TNNT1: variants seen among roughly 807,000 people sequenced by gnomAD.
TNNT1 encodes the protein troponin T1, slow skeletal type.
Under a neutral mutation model 50.6 loss-of-function variants are expected in TNNT1, and 53 were observed. The ratio of observed to expected loss-of-function variants is 1.05; its 90% CI spans 0.84 to 1.32. The LOEUF is 1.32. Among genes scored for constraint, TNNT1 ranks in the 40% most tolerant of loss-of-function variants. The pLI, the probability that TNNT1 is intolerant of heterozygous loss-of-function variation, is 0.00. For missense variants in TNNT1, 348 were observed against 381.7 expected (o/e 0.91, Z 0.74); for synonymous variants, 142 against 138.0 (o/e 1.03, Z -0.20).
chr19:55,139,313 A>T (rs1444721511), intron 9 of TNNT1, among the ~76,000 whole-genome samples: 3 of 152,146 alleles, frequency 2.0e-5, no homozygotes. Context: ...GTTTCCTATC[A>T]CTGCTGTAAT....
Position 55,141,167 on chromosome 19 carries a change from AC to A in TNNT1, c.309+18del. 6.3e-7 allele frequency: 1 copy of A among 1,598,380 alleles called. No homozygotes were observed. The highest frequency in any genetic ancestry group is 8.6e-7 in the Non-Finnish European group (1 of 1,165,590). On this transcript the variant is annotated intron_variant, in intron 8 of 13. Coordinates refer to ENST00000588981, the MANE Select transcript of TNNT1 (RefSeq NM_003283.6). The stretch of plus-strand genomic sequence containing the variant: ...CATGGAGGGAGGAAGACCGGGGGGA[AC>A]CCGGACTCTCGGCTCACAATGCGCT...
intron 6 of TNNT1, 105 bp from the exon 7 acceptor site, chr19:55,142,025 C>T: frequency 1.7e-6 from 2 of 1,168,262 alleles, no homozygotes; most frequent in Non-Finnish European, 2.6e-6. Context: ...CCCCGGGAGG[C>T]TCCTGAACGT....
chr19:55,142,010 GC>G, intron 6 of TNNT1, 90 bp from the exon 7 acceptor site: 1 of 1,337,384 alleles, frequency 7.5e-7, no homozygotes, highest in Non-Finnish European at 1.1e-6. Context: ...TGAGGTAGCC[GC>G]CAGCCCCGGG....
intron 9 of TNNT1, among the ~76,000 whole-genome samples, chr19:55,138,763 T>C (rs1050635478): frequency 6.6e-6 from 1 of 152,130 alleles, no homozygotes; most frequent in African/African-American, 2.4e-5. Context: ...AGAATGTCTG[T>C]TTTGAGGGGG....
At chr19:55,146,933 CA>C (rs528573632) in intron 3 of TNNT1, 74 bp downstream of exon 3, 624 of 1,501,942 alleles carry the variant, frequency 4.2e-4, no homozygotes, top group Middle Eastern at 4.8e-4. Flanking sequence ...GCCAAAGTGC[CA>C]CACTCCTCGC....
intron 7 of TNNT1, 131 bp from the exon 8 acceptor site, chr19:55,141,433 C>T: frequency 4.1e-6 from 3 of 735,662 alleles, no homozygotes; most frequent in Admixed American, 1.9e-5. Context: ...AGCAATGCCT[C>T]GTGTTTGACA....
Position 55,147,045 on chromosome 19 carries a change from G to A in TNNT1, c.33-24C>T, listed in dbSNP as rs574973188. On this transcript the variant is annotated intron_variant, in intron 2 of 13. Transcript: ENST00000588981. Reference sequence around the variant, plus strand: ...CCCTGCGGACGGGTGTGGGGAGAGAGGAGGGAGGGGAGAGTTAGACCTGGG... The same window carrying A: ...CCCTGCGGACGGGTGTGGGGAGAGAAGAGGGAGGGGAGAGTTAGACCTGGG... 3.1e-6 allele frequency: 5 copies of A among 1,612,598 alleles called. No homozygotes were observed. In the Admixed American group the frequency reaches 8.4e-5, roughly 27 times the overall value.
Position 55,147,548 on chromosome 19 carries a change from G to A in TNNT1, c.-11-380C>T, listed in dbSNP as rs561531007. Among the ~76,000 whole-genome samples the A allele has an allele frequency of 2.4e-3, 354 of 146,826 alleles. 4 individuals are homozygous for A. Among genetic ancestry groups the A allele is most frequent in the African/African-American group, 8.6e-3 (343 of 39,678 alleles). The stretch of plus-strand genomic sequence containing the variant: ...GGGTCCTGAACTCCTGGATCTGAGG[G>A]AGGAGGGGCTGGGGGCCGGATTCCT... On this transcript the variant is annotated intron_variant, in intron 1 of 13. Coordinates refer to ENST00000588981, the MANE Select transcript of TNNT1 (RefSeq NM_003283.6).
At chr19:55,142,312 G>T (rs1363549420) in intron 6 of TNNT1, among the ~76,000 whole-genome samples, 3 of 151,236 alleles carry the variant, frequency 2.0e-5, no homozygotes, top group Non-Finnish European at 2.9e-5. Flanking sequence ...TAGTAGAGAC[G>T]GGGCTTCACT....
chr19:55,142,076 AAAG>A (rs749192284), intron 6 of TNNT1, 156 bp from the exon 7 acceptor site: 2 of 697,946 alleles, frequency 2.9e-6, no homozygotes, highest in Non-Finnish European at 5.1e-6. Flanking sequence ...GAAACACACA[AAAG>A]AAGGTAAAAT....
chr19:55,144,066 C>A (rs547774499), intron 6 of TNNT1, among the ~76,000 whole-genome samples: 418 of 145,246 alleles, frequency 2.9e-3, no homozygotes, highest in Non-Finnish European at 4.8e-3. Context: ...CACCCCACCC[C>A]ACCCCCTTTT....
chr19:55,133,988 C>T, intron 12 of TNNT1, 61 bp from the exon 13 acceptor site: 1 of 1,612,972 alleles, frequency 6.2e-7, no homozygotes, highest in Non-Finnish European at 8.5e-7. Flanking sequence ...GGGCCACCCA[C>T]CCCTGCCTGG....
In TNNT1 at chr19:55,137,085, G is replaced by GCCC; in HGVS notation, c.611+15_611+17dup. The GCCC allele has an allele frequency of 7.5e-7, 1 of 1,338,570 alleles. No individual in the cohort carries two copies. Among genetic ancestry groups the GCCC allele is most frequent in the Non-Finnish European group, 1.1e-6 (1 of 942,304 alleles). The allele number at this position is 1,338,570 out of a possible 1,614,324, so 82.9% of individuals were successfully genotyped here. On this transcript the variant is annotated intron_variant, in intron 11 of 13. Coordinates refer to ENST00000588981, the MANE Select transcript of TNNT1 (RefSeq NM_003283.6). ...TCACACCCAGGCCCCTACACCCCGA[G>GCCC]CCCCCCACAGCACCTACCGGAGCTG...
chr19:55,141,788 T>G, intron 7 of TNNT1, 69 bp downstream of exon 7: 1 of 1,587,900 alleles, frequency 6.3e-7, no homozygotes, highest in Non-Finnish European at 8.6e-7. Context: ...CCGGCGCCTT[T>G]TCATGATTGA....
At chr19:55,139,015 G>C (rs2085404998) in intron 9 of TNNT1, among the ~76,000 whole-genome samples, 1 of 152,152 alleles carries the variant, frequency 6.6e-6, no homozygotes, top group African/African-American at 2.4e-5. Flanking sequence ...CTGTTTTTGA[G>C]ATGGAGTCTC....
intron 13 of TNNT1, among the ~76,000 whole-genome samples, chr19:55,133,328 A>AAGGGAG: frequency 6.6e-6 from 1 of 151,086 alleles, no homozygotes; most frequent in South Asian, 2.1e-4. Flanking sequence ...AGAAGAGGAG[A>AAGGGAG]AGGGAGAGGG....
At chr19:55,133,774 A>G in intron 13 of TNNT1, 113 bp downstream of exon 13, 3 of 1,218,242 alleles carry the variant, frequency 2.5e-6, no homozygotes, top group Non-Finnish European at 3.7e-6. Flanking sequence ...GACAAAGAGA[A>G]AGGGGCAGAA....
chr19:55,140,500 C>T (rs1027732358), intron 9 of TNNT1, among the ~76,000 whole-genome samples: 6 of 150,802 alleles, frequency 4.0e-5, no homozygotes, highest in African/African-American at 7.3e-5. Flanking sequence ...AATAATAGGC[C>T]GGATGCGGTG....
intron 6 of TNNT1, 136 bp from the exon 7 acceptor site, chr19:55,142,056 G>C: frequency 1.2e-6 from 1 of 800,586 alleles, no homozygotes; most frequent in Non-Finnish European, 2.2e-6. Context: ...AGCTGAGGCG[G>C]GCTGTCAGTG....
Sources: allele counts gnomAD v4.1 joint callset (sites outside exome capture counted in the v4.1 genomes callset), GRCh38; gene constraint gnomAD v4.1.1; transcripts MANE v1.5; gene names NCBI Gene and HGNC (gene_info 2026-07-23, HGNC 2026-07-21).